Variants in GRM8 observed in about 807,000 individuals in gnomAD.
GRM8 encodes the protein glutamate metabotropic receptor 8, also known as metabotropic glutamate receptor 8.
GRM8 carries 47 observed loss-of-function variants against 87.2 expected under a neutral mutation model. That is an observed-to-expected ratio of 0.54 (90% CI 0.43 to 0.69). The LOEUF (loss-of-function observed/expected upper bound fraction) is 0.69. Ranked by LOEUF, GRM8 falls within the 30% of genes least tolerant of loss-of-function variation. GRM8 has a pLI of 0.00. For synonymous variants in GRM8, 396 were observed against 404.5 expected (o/e 0.98, Z 0.25); for missense variants, 1,019 against 1,139.2 (o/e 0.89, Z 1.52).
At position 126,825,732 on chromosome 7, in the gene GRM8, T is replaced by G. The variant is rs966827344; in HGVS notation, c.1157-55667A>C. Among the ~76,000 whole-genome samples, 41 of 152,290 alleles carry G rather than the reference T, an allele frequency of 2.7e-4. 1 individual carries two copies. Among genetic ancestry groups the G allele is most frequent in the African/African-American group, 9.4e-4 (39 of 41,564 alleles). On this transcript the variant is annotated intron_variant, in intron 6 of 10. Transcript: ENST00000339582. ...GGAAACTGAAACTTTTTTTTATTAT[T>G]ATTATACTTTAAGTTTTAGGGTACA...
intron 2 of GRM8, among the ~76,000 whole-genome samples, chr7:127,122,197 C>T (rs532809927): frequency 2.6e-5 from 4 of 152,104 alleles, no homozygotes; most frequent in Admixed American, 6.6e-5. Flanking sequence ...TGCTTACTAG[C>T]GACAGTAAAA....
At chr7:126,646,756 T>G (rs907067658) in intron 7 of GRM8, among the ~76,000 whole-genome samples, 1 of 152,250 alleles carries the variant, frequency 6.6e-6, no homozygotes, top group South Asian at 2.1e-4. Flanking sequence ...GATTAAATGA[T>G]ATAATCCATG....
chr7:127,136,790 T>TA (rs568735609), intron 2 of GRM8, among the ~76,000 whole-genome samples: 192 of 151,848 alleles, frequency 1.3e-3, no homozygotes, highest in Non-Finnish European at 2.0e-3. Flanking sequence ...TTTGGACACT[T>TA]ACACTTCTTT....
intron 6 of GRM8, among the ~76,000 whole-genome samples, chr7:126,821,748 A>C (rs1794322430): frequency 6.6e-6 from 1 of 152,228 alleles, no homozygotes; most frequent in Non-Finnish European, 1.5e-5. Context: ...ACATTGCATA[A>C]CCATGGTACA....
intron 3 of GRM8, among the ~76,000 whole-genome samples, chr7:126,917,451 C>G (rs1313649676): frequency 6.6e-6 from 1 of 151,970 alleles, no homozygotes; most frequent in Non-Finnish European, 1.5e-5. Flanking sequence ...AATGAAAGAT[C>G]TACTTTTAGA....
chr7:127,186,905 C>A lies in GRM8; in HGVS notation c.510+55790G>T, dbSNP rs1019387111. Among the ~76,000 whole-genome samples, 94 of 152,092 alleles carry A rather than the reference C, an allele frequency of 6.2e-4. 1 individual carries two copies. The highest frequency in any genetic ancestry group is 2.2e-3 in the African/African-American group (93 of 41,420). Reference sequence around the variant, plus strand: ...TGTGGTGGACATGAAAGAACTTAGTCAAAGGGACCTCATGTGGGAAGTGTT... The same window carrying A: ...TGTGGTGGACATGAAAGAACTTAGTAAAAGGGACCTCATGTGGGAAGTGTT... On this transcript the variant is annotated intron_variant, in intron 2 of 10. Coordinates refer to ENST00000339582, the MANE Select transcript of GRM8 (RefSeq NM_000845.3).
chr7:126,648,119 A>T (rs62477917), intron 7 of GRM8, among the ~76,000 whole-genome samples: 1 of 151,956 alleles, frequency 6.6e-6, no homozygotes, highest in Non-Finnish European at 1.5e-5. Context: ...CCTTTGCACA[A>T]GCTGTTTACT....
intron 8 of GRM8, among the ~76,000 whole-genome samples, chr7:126,579,695 A>C (rs779847321): frequency 6.6e-6 from 1 of 152,192 alleles, no homozygotes; most frequent in African/African-American, 2.4e-5. Flanking sequence ...AGGAGTGTCC[A>C]TAATTTGTCA....
At chr7:126,733,899 T>C (rs1346744858) in intron 7 of GRM8, among the ~76,000 whole-genome samples, 1 of 151,968 alleles carries the variant, frequency 6.6e-6, no homozygotes, top group Non-Finnish European at 1.5e-5. Context: ...ACCAATGCAA[T>C]TAGACATGTA....
At chr7:127,167,389 C>T (rs1040298075) in intron 2 of GRM8, among the ~76,000 whole-genome samples, 4 of 152,100 alleles carry the variant, frequency 2.6e-5, no homozygotes, top group East Asian at 1.9e-4. Flanking sequence ...TAAATTAGCA[C>T]GTTTTTACTG....
rs114118293 is a variant in GRM8 at position 127,168,853 on chromosome 7, C to T, written c.511-62141G>A. Among the ~76,000 whole-genome samples the T allele has an allele frequency of 3.0e-3, 447 of 147,980 alleles. 2 individuals carry two copies. Among genetic ancestry groups the T allele is most frequent in the African/African-American group, 8.7e-3 (353 of 40,408 alleles). On this transcript the variant is annotated intron_variant, in intron 2 of 10. Transcript: ENST00000339582. ...GGGAACATCACACACGGGGGCCTGT[C>T]GGGTGGGGGCTGAGGGGCCAGGGGA...
rs564622305 is a variant in GRM8, at chr7:127,174,559, T to C, written c.511-67847A>G. Among the ~76,000 whole-genome samples the C allele has an allele frequency of 2.4e-4, 37 of 152,318 alleles. 1 individual carries two copies. In the South Asian group the frequency reaches 7.7e-3, roughly 32 times the overall value. On this transcript the variant is annotated intron_variant, in intron 2 of 10. Coordinates refer to ENST00000339582, the MANE Select transcript of GRM8 (RefSeq NM_000845.3). ...ACCTATGCGTTTTTTCAATAAATTGTATTAATATTTCTTAGTCACAATAGA... is the reference window on the plus strand; with the variant it reads ...ACCTATGCGTTTTTTCAATAAATTGCATTAATATTTCTTAGTCACAATAGA...
intron 7 of GRM8, among the ~76,000 whole-genome samples, chr7:126,620,667 CATAATAACCCCAACCTTCCTAA>C (rs1314106022): frequency 7.6e-6 from 1 of 131,382 alleles, no homozygotes; most frequent in Non-Finnish European, 1.6e-5. Context: ...GCCAAGCAGG[CATAATAACCCCAACCTTCCTAA>C]ACTGTTGCAT....
chr7:126,763,470 TATACACACAC>T (rs1563163812), intron 7 of GRM8, among the ~76,000 whole-genome samples: 4 of 45,838 alleles, frequency 8.7e-5, no homozygotes, highest in Non-Finnish European at 2.0e-4. Context: ...TATATATATA[TATACACACAC>T]ACACACACAC....
chr7:126,718,770 G>A (rs893647158), intron 7 of GRM8, among the ~76,000 whole-genome samples: 4 of 152,086 alleles, frequency 2.6e-5, no homozygotes, highest in African/African-American at 7.2e-5. Flanking sequence ...TTATATGTTC[G>A]TGTCAGCCAC....
intron 2 of GRM8, among the ~76,000 whole-genome samples, chr7:127,124,757 G>A (rs1827269617): frequency 1.3e-5 from 2 of 152,174 alleles, no homozygotes; most frequent in South Asian, 2.1e-4. Flanking sequence ...TGGCCAAAAC[G>A]AAATAACTGG....
chr7:126,589,868 A>C (rs1329462781), intron 8 of GRM8, among the ~76,000 whole-genome samples: 1 of 152,142 alleles, frequency 6.6e-6, no homozygotes, highest in Admixed American at 6.5e-5. Context: ...GGGACAAAAC[A>C]GTCTGAACAG....
chr7:126,863,046 C>T (rs1798271948), intron 6 of GRM8, among the ~76,000 whole-genome samples: 1 of 152,008 alleles, frequency 6.6e-6, no homozygotes. Context: ...TTGGGTTGAA[C>T]CTTCTTTTAT....
At chr7:126,857,869 A>G (rs1797821215) in intron 6 of GRM8, among the ~76,000 whole-genome samples, 1 of 152,146 alleles carries the variant, frequency 6.6e-6, no homozygotes, top group Non-Finnish European at 1.5e-5. Context: ...GGATCTCTTG[A>G]GCCCAGAAGT....
Sources: allele counts gnomAD v4.1 joint callset (sites outside exome capture counted in the v4.1 genomes callset), GRCh38; gene constraint gnomAD v4.1.1; transcripts MANE v1.5; gene names NCBI Gene and HGNC (gene_info 2026-07-23, HGNC 2026-07-21).